SPOCK1: variants seen among roughly 807,000 people sequenced by gnomAD.
SPOCK1 encodes the protein SPARC (osteonectin), cwcv and kazal like domains proteoglycan 1, also known as testican-1.
Under a neutral mutation model 55.3 loss-of-function variants are expected in SPOCK1, and 23 were observed. The ratio of observed to expected loss-of-function variants is 0.42; its 90% CI spans 0.30 to 0.59. SPOCK1 has a LOEUF of 0.59. Ranked by LOEUF, SPOCK1 falls within the 20% of genes least tolerant of loss-of-function variation. The pLI, the probability that SPOCK1 is intolerant of heterozygous loss-of-function variation, is 0.22. For synonymous variants in SPOCK1, 226 were observed against 221.0 expected, an observed-to-expected ratio of 1.02 and a Z score of -0.20; for missense variants, 499 against 552.5, an observed-to-expected ratio of 0.90 and a Z score of 0.97.
chr5:137,284,909 G>C (rs1757233122), intron 2 of SPOCK1, among the ~76,000 whole-genome samples: 1 of 151,280 alleles, frequency 6.6e-6, no homozygotes, highest in Non-Finnish European at 1.5e-5. Flanking sequence ...ACCTCTGCAT[G>C]GCTCCTGGGT....
intron 2 of SPOCK1, among the ~76,000 whole-genome samples, chr5:137,276,322 G>T (rs1220534188): frequency 6.6e-6 from 1 of 152,192 alleles, no homozygotes; most frequent in Admixed American, 6.5e-5. Flanking sequence ...TCAAATCCCA[G>T]TTTAGACACT....
chr5:137,036,912 A>C (rs1751896209), intron 6 of SPOCK1, among the ~76,000 whole-genome samples: 1 of 152,070 alleles, frequency 6.6e-6, no homozygotes. Context: ...AATGAGTCCC[A>C]TTCACCCCCC....
chr5:137,155,345 G>A (rs1487202302), intron 3 of SPOCK1, among the ~76,000 whole-genome samples: 2 of 152,120 alleles, frequency 1.3e-5, no homozygotes, highest in African/African-American at 4.8e-5. Flanking sequence ...GCAGTCCCCC[G>A]TCCCCTGCTG....
At chr5:137,281,336 T>A (rs1757162484) in intron 2 of SPOCK1, among the ~76,000 whole-genome samples, 1 of 152,172 alleles carries the variant, frequency 6.6e-6, no homozygotes, top group Non-Finnish European at 1.5e-5. Context: ...AGTATCTACA[T>A]CCCAGACATG....
intron 7 of SPOCK1, 75 bp downstream of exon 7, chr5:136,992,409 A>T: frequency 8.8e-7 from 1 of 1,130,604 alleles, no homozygotes; most frequent in South Asian, 1.6e-5. Context: ...GGTGTTTTTC[A>T]CCCCCAAATG....
chr5:137,099,277 C>T (rs1177122541), intron 5 of SPOCK1, among the ~76,000 whole-genome samples: 1 of 152,180 alleles, frequency 6.6e-6, no homozygotes, highest in Admixed American at 6.5e-5. Context: ...GATCTCTGGA[C>T]ACCCTCCACA....
intron 10 of SPOCK1, 123 bp downstream of exon 10, chr5:136,979,208 CT>C: frequency 1.4e-6 from 2 of 1,383,720 alleles, no homozygotes; most frequent in Admixed American, 4.2e-5. Flanking sequence ...GTTACTATGC[CT>C]CTATTATAAA....
chr5:137,280,569 A>G (rs1345318636), intron 2 of SPOCK1, among the ~76,000 whole-genome samples: 1 of 152,236 alleles, frequency 6.6e-6, no homozygotes, highest in Non-Finnish European at 1.5e-5. Flanking sequence ...ACAAACAGTA[A>G]TTATGTCCTA....
chr5:137,232,019 C>T (rs1200353972), intron 3 of SPOCK1, among the ~76,000 whole-genome samples: 1 of 152,124 alleles, frequency 6.6e-6, no homozygotes, highest in African/African-American at 2.4e-5. Flanking sequence ...GTGAATGTCT[C>T]TTCATATCTT....
At chr5:137,379,550 C>T (rs1043119871) in intron 2 of SPOCK1, among the ~76,000 whole-genome samples, 2 of 147,770 alleles carry the variant, frequency 1.4e-5, no homozygotes, top group Non-Finnish European at 3.0e-5. Flanking sequence ...ACCACCACCA[C>T]TCCTAAACAC....
chr5:137,412,219 G>A (rs988236794), intron 2 of SPOCK1, among the ~76,000 whole-genome samples: 20 of 152,176 alleles, frequency 1.3e-4, no homozygotes, highest in Admixed American at 3.3e-4. Flanking sequence ...CAGAGCACAG[G>A]TTTGCACTCT....
chr5:137,117,411 C>T (rs1300614884), intron 4 of SPOCK1, among the ~76,000 whole-genome samples: 1 of 152,166 alleles, frequency 6.6e-6, no homozygotes, highest in East Asian at 1.9e-4. Context: ...CTGTTCAGTC[C>T]CAACTGTGGC....
intron 2 of SPOCK1, among the ~76,000 whole-genome samples, chr5:137,429,572 G>C (rs1752702449): frequency 1.3e-5 from 2 of 152,226 alleles, no homozygotes; most frequent in African/African-American, 4.8e-5. Context: ...TAGGCAATCA[G>C]TAAGTATGAT....
At chr5:137,354,666 G>T (rs573409220) in intron 2 of SPOCK1, among the ~76,000 whole-genome samples, 1 of 152,106 alleles carries the variant, frequency 6.6e-6, no homozygotes, top group Non-Finnish European at 1.5e-5. Flanking sequence ...GCAAGGGCCC[G>T]GCCATCAACT....
intron 2 of SPOCK1, among the ~76,000 whole-genome samples, chr5:137,492,838 C>T (rs757805260): frequency 1.3e-5 from 2 of 152,180 alleles, no homozygotes. Context: ...GCAGCCCCTT[C>T]CCTTCATGGT....
At chr5:137,355,110 C>A (rs1381934165) in intron 2 of SPOCK1, among the ~76,000 whole-genome samples, 1 of 151,972 alleles carries the variant, frequency 6.6e-6, no homozygotes. Flanking sequence ...ACCATGTTGC[C>A]CAGGCTGGTC....
chr5:137,109,508 CACTATA>C (rs1561612318), intron 5 of SPOCK1, among the ~76,000 whole-genome samples: 1 of 152,256 alleles, frequency 6.6e-6, no homozygotes, highest in East Asian at 1.9e-4. Flanking sequence ...CCTGAGCAGC[CACTATA>C]AACGGTCTCT....
intron 6 of SPOCK1, among the ~76,000 whole-genome samples, chr5:137,060,561 A>G (rs143285559): frequency 2.0e-5 from 3 of 152,320 alleles, no homozygotes; most frequent in East Asian, 1.9e-4. Flanking sequence ...CAATTTATCT[A>G]TAGAACCAAC....
At chr5:137,125,594 A>G (rs2127040706) in intron 4 of SPOCK1, among the ~76,000 whole-genome samples, 1 of 152,172 alleles carries the variant, frequency 6.6e-6, no homozygotes, top group African/African-American at 2.4e-5. Context: ...AAAATGTCCT[A>G]GTGAAAAGGG....
Sources: gnomAD v4.1 joint callset for allele counts (sites outside exome capture counted in the v4.1 genomes callset) on GRCh38, gnomAD v4.1.1 for gene constraint, MANE v1.5 for transcripts, NCBI Gene and HGNC (gene_info 2026-07-23, HGNC 2026-07-21) for gene names.